The following ABHD13 variants were observed in gnomAD, a reference collection of about 807,000 sequenced individuals.
ABHD13 encodes the protein protein ABHD13.
A neutral mutation model predicts 25.2 loss-of-function variants in ABHD13; 7 were observed. The observed-to-expected ratio is 0.28, with a 90% CI of 0.16 to 0.52. ABHD13 has a LOEUF of 0.52. Ranked by LOEUF, ABHD13 falls within the 20% of genes least tolerant of loss-of-function variation. The pLI, the probability that ABHD13 is intolerant of heterozygous loss-of-function variation, is 0.96. For synonymous variants in ABHD13, 133 were observed against 136.1 expected (o/e 0.98, Z 0.16); for missense variants, 302 against 402.7 (o/e 0.75, Z 2.14).
At chr13:108,224,211 A>G (rs1375153176) in intron 1 of ABHD13, among the ~76,000 whole-genome samples, 1 of 152,198 alleles carries the variant, frequency 6.6e-6, no homozygotes, top group African/African-American at 2.4e-5. Context: ...TACGTTAGGT[A>G]TGTAGTTATT....
chr13:108,233,348 T>C lies in ABHD13; in HGVS notation c.*3116T>C, dbSNP rs758511018. 13 of 166,884 alleles carry C rather than the reference T, an allele frequency of 7.8e-5. No individual in the cohort carries two copies. The highest frequency in any genetic ancestry group is 1.8e-4 in the Non-Finnish European group (12 of 67,994). The allele number at this position is 166,884 out of a possible 1,614,324, so 10.3% of individuals were successfully genotyped here. A position where few individuals can be genotyped will look rare whatever the true frequency, so the allele number is the denominator to read the frequency against. On this transcript the variant is annotated 3_prime_UTR_variant, in exon 2 of 2. Coordinates refer to ENST00000375898, the MANE Select transcript of ABHD13 (RefSeq NM_032859.3). ...ATTTTTTATAAATTATCTTTCAAGC[T>C]CAGATAGCTTAAGAGCAGTTTATAT...
chr13:108,229,291 C>T lies in ABHD13; in HGVS notation c.73C>T (p.Leu25Phe). Residue 25 changes from leucine to phenylalanine, a missense_variant, in exon 2 of 2, where the codon CTC becomes TTC. Transcript: ENST00000375898. The surrounding 1 kb of genome is among the most constrained non-coding windows in gnomAD (Gnocchi z 4.7). Reference protein sequence around the residue: ...LIALASWSWALCRISLLPLIV... With the variant: ...LIALASWSWAFCRISLLPLIV... ...AGCCTTGGCTTCATGGTCTTGGGCT[C>T]TCTGCCGTATTTCTCTTTTACCTTT... The T allele has an allele frequency of 6.2e-7, 1 of 1,608,172 alleles. No individual in the cohort carries two copies. The highest frequency in any genetic ancestry group is 1.3e-5 in the African/African-American group (1 of 74,676).
intron 1 of ABHD13, among the ~76,000 whole-genome samples, chr13:108,220,254 C>T (rs913802725): frequency 4.1e-4 from 62 of 152,176 alleles, no homozygotes; most frequent in African/African-American, 1.4e-3. Context: ...AGCCAGGTAC[C>T]TACAGGTAGC....
chr13:108,223,018 A>G (rs1015063271), intron 1 of ABHD13, among the ~76,000 whole-genome samples: 1 of 152,258 alleles, frequency 6.6e-6, no homozygotes, highest in Non-Finnish European at 1.5e-5. Context: ...CTTAAAGGTC[A>G]GTTATATTGT....
intron 1 of ABHD13, among the ~76,000 whole-genome samples, chr13:108,221,064 G>A (rs2139008467): frequency 6.6e-6 from 1 of 152,318 alleles, no homozygotes; most frequent in Non-Finnish European, 1.5e-5. Flanking sequence ...AGATTTTCAA[G>A]CATGAAAAAG....
At chr13:108,223,939 A>G (rs1879619606) in intron 1 of ABHD13, among the ~76,000 whole-genome samples, 1 of 152,234 alleles carries the variant, frequency 6.6e-6, no homozygotes, top group Non-Finnish European at 1.5e-5. Flanking sequence ...TAAATGAATA[A>G]AAATAAGTGT....
chr13:108,220,063 C>T (rs772893336), intron 1 of ABHD13, among the ~76,000 whole-genome samples: 9 of 152,184 alleles, frequency 5.9e-5, no homozygotes, highest in Non-Finnish European at 8.8e-5. Flanking sequence ...CATTTTATCT[C>T]AACAGTAGTT....
chr13:108,229,603 C>T lies in ABHD13; in HGVS notation c.385C>T (p.His129Tyr). The change falls in exon 2 of 2, where the codon CAC becomes TAC. Residue 129 changes from histidine (H) to tyrosine (Y), a missense_variant. Coordinates refer to ENST00000375898, the MANE Select transcript of ABHD13 (RefSeq NM_032859.3). This position sits in a 1 kb window ranked among gnomAD's most constrained non-coding sequence, Gnocchi z 4.7. ...YFHGNAGNIGHRLPNALLMLV... is the reference protein window; with the variant it reads ...YFHGNAGNIGYRLPNALLMLV... Reference sequence around the variant, plus strand: ...TCATGGGAATGCAGGCAACATAGGTCACAGGTTGCCAAATGCATTACTTAT... The same window carrying T: ...TCATGGGAATGCAGGCAACATAGGTTACAGGTTGCCAAATGCATTACTTAT... The T allele has an allele frequency of 6.2e-7, 1 of 1,613,296 alleles. No individual in the cohort carries two copies. The highest frequency in any genetic ancestry group is 2.2e-5 in the East Asian group (1 of 44,866).
intron 1 of ABHD13, among the ~76,000 whole-genome samples, chr13:108,228,031 A>G (rs1879711221): frequency 1.3e-5 from 2 of 152,052 alleles, no homozygotes; most frequent in Non-Finnish European, 2.9e-5. Flanking sequence ...TCTTTATAGC[A>G]GTTTGGTCAG....
In ABHD13 at chr13:108,230,499, C is replaced by T. The variant is rs1444264296; in HGVS notation, c.*267C>T. The T allele has an allele frequency of 3.6e-6, 1 of 274,598 alleles. No individual in the cohort carries two copies. The highest frequency in any genetic ancestry group is 7.3e-6 in the Non-Finnish European group (1 of 136,734). 17.0% of individuals were successfully genotyped at this position (274,598 alleles called of 1,614,324 possible). A position where few individuals can be genotyped will look rare whatever the true frequency, so the allele number is the denominator to read the frequency against. On this transcript the variant is annotated 3_prime_UTR_variant, in exon 2 of 2. Transcript: ENST00000375898. ...ATATGTCAGTATAATAGATATTGTT[C>T]AAAAGTTTCTTGTTGCTAAAGTGGT...
chr13:108,222,252 A>G (rs1879584075), intron 1 of ABHD13, among the ~76,000 whole-genome samples: 1 of 152,182 alleles, frequency 6.6e-6, no homozygotes, highest in Non-Finnish European at 1.5e-5. Context: ...CTATGATACA[A>G]TAGATTTGTC....
At chr13:108,225,134 T>G (rs773157393) in intron 1 of ABHD13, among the ~76,000 whole-genome samples, 1 of 152,226 alleles carries the variant, frequency 6.6e-6, no homozygotes, top group Non-Finnish European at 1.5e-5. Context: ...CCTGGGTTTT[T>G]AAAAAATGTA....
At chr13:108,219,641 C>G (rs1879505842) in intron 1 of ABHD13, among the ~76,000 whole-genome samples, 1 of 152,232 alleles carries the variant, frequency 6.6e-6, no homozygotes, top group Middle Eastern at 3.2e-3. Flanking sequence ...TAGAGGCCCA[C>G]TATGCATCAG....
At chr13:108,222,148 A>G (rs1458426097) in intron 1 of ABHD13, among the ~76,000 whole-genome samples, 2 of 152,112 alleles carry the variant, frequency 1.3e-5, no homozygotes, top group African/African-American at 2.4e-5. Context: ...CCCAATGTAC[A>G]CTTTTTAATT....
Position 108,229,643 on chromosome 13 carries a change from A to G in ABHD13, c.425A>G (p.Lys142Arg). The G allele has an allele frequency of 6.2e-7, 1 of 1,613,376 alleles. No individual in the cohort carries two copies. Among genetic ancestry groups the G allele is most frequent in the Non-Finnish European group, 8.5e-7 (1 of 1,179,590 alleles). The change falls in exon 2 of 2, where the codon AAA becomes AGA. Residue 142 changes from lysine (K) to arginine (R), a missense_variant. Coordinates refer to ENST00000375898, the MANE Select transcript of ABHD13 (RefSeq NM_032859.3). The surrounding 1 kb of genome is among the most constrained non-coding windows in gnomAD (Gnocchi z 4.7). ...GCATTACTTATGTTGGTTAACCTCA[A>G]AGTTAACCTTTTGCTGGTTGATTAT... ...PNALLMLVNL[K>R]VNLLLVDYRG...
chr13:108,229,354 CTTTTGTTA>C lies in ABHD13; in HGVS notation c.137_144del (p.Leu46HisfsTer11). ...TCATCTGTATGGAGGCATTATCTTA[CTTTTGTTA>C]ATATTCATATCAATAGCAGGTATTC... is the stretch of plus-strand genomic sequence containing the variant. On this transcript the variant is annotated frameshift_variant, in exon 2 of 2. Coordinates refer to ENST00000375898, the MANE Select transcript of ABHD13 (RefSeq NM_032859.3). LOFTEE classifies it high-confidence loss of function. The surrounding 1 kb of genome is among the most constrained non-coding windows in gnomAD (Gnocchi z 4.7). 1 of 1,612,746 alleles carries C rather than the reference CTTTTGTTA, an allele frequency of 6.2e-7. No homozygotes were observed. Among genetic ancestry groups the C allele is most frequent in the Non-Finnish European group, 8.5e-7 (1 of 1,179,246 alleles).
chr13:108,221,265 A>G (rs1003042470), intron 1 of ABHD13, among the ~76,000 whole-genome samples: 1 of 152,224 alleles, frequency 6.6e-6, no homozygotes, highest in African/African-American at 2.4e-5. Context: ...CATTAGGGAA[A>G]TAGATAATTC....
In ABHD13 at chr13:108,230,341, C is replaced by G; in HGVS notation, c.*109C>G. On this transcript the variant is annotated 3_prime_UTR_variant, in exon 2 of 2. Coordinates refer to ENST00000375898, the MANE Select transcript of ABHD13 (RefSeq NM_032859.3). The stretch of plus-strand genomic sequence containing the variant: ...TACCTGTCTGAAGAGTGACATTAAA[C>G]TTTGAAAGGACTTCACTGCTCCTTT... 3.1e-6 allele frequency: 3 copies of G among 954,430 alleles called. No individual in the cohort carries two copies. Among genetic ancestry groups the G allele is most frequent in the Non-Finnish European group, 4.6e-6 (3 of 659,246 alleles). 59.1% of individuals were successfully genotyped at this position (954,430 alleles called of 1,614,324 possible).
chr13:108,228,651 G>T (rs1420264887), intron 1 of ABHD13, among the ~76,000 whole-genome samples: 5 of 148,768 alleles, frequency 3.4e-5, no homozygotes, highest in African/African-American at 4.9e-5. Context: ...TTTAGTTTTT[G>T]CTACCGTATG....
Sources: gnomAD v4.1 joint callset for allele counts (sites outside exome capture counted in the v4.1 genomes callset) on GRCh38, gnomAD v4.1.1 for gene constraint, Gnocchi (gnomAD v3.1) non-coding constraint, MANE v1.5 for transcripts, NCBI Gene and HGNC (gene_info 2026-07-23, HGNC 2026-07-21) for gene names.